ARHGEF3: variants seen among roughly 807,000 people sequenced by gnomAD.
The protein encoded by ARHGEF3 is Rho guanine nucleotide exchange factor 3.
Under a neutral mutation model 63.2 loss-of-function variants are expected in ARHGEF3, and 28 were observed. The observed-to-expected ratio is 0.44, with a 90% confidence interval of 0.33 to 0.61. ARHGEF3 has a LOEUF of 0.61. ARHGEF3 is among the 20% of genes least tolerant of loss of function. The pLI, the probability that ARHGEF3 is intolerant of heterozygous loss-of-function variation, is 0.03. For synonymous variants in ARHGEF3, 266 were observed against 254.2 expected (o/e 1.05, Z -0.44); for missense variants, 533 against 659.3 (o/e 0.81, Z 2.10).
At chr3:56,739,163 C>G (rs903050498) in intron 7 of ARHGEF3, among the ~76,000 whole-genome samples, 1 of 152,044 alleles carries the variant, frequency 6.6e-6, no homozygotes, top group African/African-American at 2.4e-5. Flanking sequence ...GATTCTCTGT[C>G]CCCTAAAAGT....
chr3:56,996,138 C>T (rs551475348), intron 2 of ARHGEF3, among the ~76,000 whole-genome samples: 1 of 152,258 alleles, frequency 6.6e-6, no homozygotes, highest in South Asian at 2.1e-4. Flanking sequence ...GACTGGGACT[C>T]ACCAACTGAA....
In ARHGEF3 at chr3:56,984,349, G is replaced by C. The variant is rs1701451340; in HGVS notation, c.63-25460C>G. Among the ~76,000 whole-genome samples the C allele has an allele frequency of 7.2e-5, 11 of 152,250 alleles. No individual in the cohort carries two copies. The South Asian group carries it at 2.3e-3, about 32-fold the overall frequency. ...TAATTGTTTCTTAGAACCCAGCCCTGTTCCTCAGAGAAGAGCCCCTCAATC... is the reference window on the plus strand; with the variant it reads ...TAATTGTTTCTTAGAACCCAGCCCTCTTCCTCAGAGAAGAGCCCCTCAATC... On this transcript the variant is annotated intron_variant, in intron 2 of 12. Transcript: ENST00000338458.
chr3:57,007,212 G>A (rs1457504782), intron 2 of ARHGEF3: 2 of 1,288,500 alleles, frequency 1.6e-6, no homozygotes, highest in Non-Finnish European at 2.0e-6. Context: ...GGAATCTTAG[G>A]AGTCGAAGGT....
intron 4 of ARHGEF3, among the ~76,000 whole-genome samples, chr3:56,751,646 A>G (rs2034753220): frequency 6.6e-6 from 1 of 152,218 alleles, no homozygotes; most frequent in Non-Finnish European, 1.5e-5. Flanking sequence ...AGTATGTCAT[A>G]TATCTAGGAA....
intron 4 of ARHGEF3, among the ~76,000 whole-genome samples, chr3:56,825,951 C>G (rs911059862): frequency 6.6e-6 from 1 of 152,182 alleles, no homozygotes; most frequent in Non-Finnish European, 1.5e-5. Flanking sequence ...ATCAGCAACC[C>G]TTCCTTCTAG....
At chr3:56,915,893 T>C (rs2041975374) in intron 3 of ARHGEF3, among the ~76,000 whole-genome samples, 1 of 152,248 alleles carries the variant, frequency 6.6e-6, no homozygotes, top group Non-Finnish European at 1.5e-5. Context: ...AGAAGGCAGA[T>C]GCATCCTTCT....
intron 8 of ARHGEF3, among the ~76,000 whole-genome samples, chr3:56,733,322 T>C (rs758395780): frequency 4.0e-4 from 1 of 2,474 alleles, no homozygotes; most frequent in Non-Finnish European, 6.8e-4. Flanking sequence ...CCAGGCGAGG[T>C]GGGCGGGGCG....
intron 4 of ARHGEF3, among the ~76,000 whole-genome samples, chr3:56,838,193 C>A (rs527816982): frequency 6.6e-6 from 1 of 152,100 alleles, no homozygotes; most frequent in East Asian, 1.9e-4. Context: ...AACTTTTCTA[C>A]AATAAACAGT....
At chr3:56,730,236 A>G (rs2107676889) in intron 9 of ARHGEF3, among the ~76,000 whole-genome samples, 1 of 152,236 alleles carries the variant, frequency 6.6e-6, no homozygotes, top group East Asian at 1.9e-4. Flanking sequence ...ATATGAGAGT[A>G]TCTATACACT....
intron 2 of ARHGEF3, among the ~76,000 whole-genome samples, chr3:56,975,042 C>A (rs1210484535): frequency 6.6e-6 from 1 of 152,122 alleles, no homozygotes; most frequent in Non-Finnish European, 1.5e-5. Context: ...CTCATCAGCA[C>A]CACTGCCCAT....
intron 2 of ARHGEF3, among the ~76,000 whole-genome samples, chr3:57,021,577 ACCC>A (rs1461227574): frequency 6.6e-6 from 1 of 151,928 alleles, no homozygotes; most frequent in African/African-American, 2.4e-5. Context: ...ACATGGTGAA[ACCC>A]CATCTCTACT....
intron 2 of ARHGEF3, among the ~76,000 whole-genome samples, chr3:57,002,569 T>A (rs1332558594): frequency 7.0e-6 from 1 of 142,552 alleles, no homozygotes; most frequent in Admixed American, 7.2e-5. Context: ...ATGTTATATG[T>A]ATGTTATATG....
intron 2 of ARHGEF3, among the ~76,000 whole-genome samples, chr3:57,021,183 G>C (rs931607184): frequency 1.3e-5 from 2 of 152,296 alleles, no homozygotes; most frequent in Admixed American, 1.3e-4. Context: ...GAAAGGATGG[G>C]TCAACATTAG....
chr3:56,987,918 G>T lies in ARHGEF3; in HGVS notation c.63-29029C>A, dbSNP rs528606893. On this transcript the variant is annotated intron_variant, in intron 2 of 12. Transcript: ENST00000338458. ...GCCAGAGATGCACTGTGTCTTGTGTGCACACCACTGGCTTACCACCTGATG... is the reference window on the plus strand; with the variant it reads ...GCCAGAGATGCACTGTGTCTTGTGTTCACACCACTGGCTTACCACCTGATG... Among the ~76,000 whole-genome samples the T allele has an allele frequency of 1.3e-3, 205 of 152,258 alleles. 2 individuals carry two copies. Among genetic ancestry groups the T allele is most frequent in the African/African-American group, 4.7e-3 (194 of 41,542 alleles).
At chr3:57,044,108 C>T (rs1189055558) in intron 1 of ARHGEF3, among the ~76,000 whole-genome samples, 7 of 152,250 alleles carry the variant, frequency 4.6e-5, no homozygotes, top group Admixed American at 1.3e-4. Context: ...CACCCAATCA[C>T]ACCAATGTGT....
intron 4 of ARHGEF3, among the ~76,000 whole-genome samples, chr3:56,816,584 G>T (rs765674567): frequency 6.6e-6 from 1 of 152,214 alleles, no homozygotes; most frequent in Admixed American, 6.5e-5. Flanking sequence ...AGTAAATGAT[G>T]CTGAGAGCCG....
At chr3:56,979,888 C>T (rs1442455804) in intron 2 of ARHGEF3, among the ~76,000 whole-genome samples, 1 of 152,168 alleles carries the variant, frequency 6.6e-6, no homozygotes. Flanking sequence ...AGGAAGCATC[C>T]TGTGCAGCTC....
chr3:56,826,028 G>A (rs1342907791), intron 4 of ARHGEF3, among the ~76,000 whole-genome samples: 1 of 152,140 alleles, frequency 6.6e-6, no homozygotes. Context: ...TGGGATTTTT[G>A]CAAGAGAAAC....
intron 2 of ARHGEF3, among the ~76,000 whole-genome samples, chr3:56,759,331 C>A (rs532021863): frequency 6.6e-6 from 1 of 152,052 alleles, no homozygotes; most frequent in Non-Finnish European, 1.5e-5. Flanking sequence ...GAGCCCGCCA[C>A]CAGGCCCAGC....
Sources: allele counts gnomAD v4.1 joint callset (sites outside exome capture counted in the v4.1 genomes callset), GRCh38; gene constraint gnomAD v4.1.1; transcripts MANE v1.5; gene names NCBI Gene and HGNC (gene_info 2026-07-23, HGNC 2026-07-21).